GRB2: variants seen among roughly 807,000 people sequenced by gnomAD.
GRB2 encodes growth factor receptor bound protein 2.
Under a neutral mutation model 27.4 loss-of-function variants are expected in GRB2, and 2 were observed. That is an observed-to-expected ratio of 0.07 (90% CI 0.03 to 0.23). The LOEUF is 0.23. GRB2 is among the 10% of genes least tolerant of loss of function. The pLI, the probability that GRB2 is intolerant of heterozygous loss-of-function variation, is 1.00. For missense variants in GRB2, 102 were observed against 282.4 expected, an observed-to-expected ratio of 0.36 and a Z score of 4.58; for synonymous variants, 94 against 99.6, an observed-to-expected ratio of 0.94 and a Z score of 0.33.
chr17:75,346,373 G>C (rs1397969993), intron 2 of GRB2, among the ~76,000 whole-genome samples: 3 of 151,784 alleles, frequency 2.0e-5, no homozygotes, highest in Non-Finnish European at 4.4e-5. Flanking sequence ...GCGGGCGCCT[G>C]TAGTCCCAGC....
rs181088405 is a variant in GRB2, at chr17:75,363,590, T to C, written c.78+29961A>G. 4.2e-3 allele frequency among the ~76,000 whole-genome samples: 646 copies of C among 152,228 alleles called. 5 individuals are homozygous for C. The highest frequency in any genetic ancestry group is 0.015 in the African/African-American group (608 of 41,528). Reference sequence around the variant, plus strand: ...GAGCAAACTAGCGGGCCGGGCATGGTGGCTCACGCCTGTAATCCCAGCACT... The same window carrying C: ...GAGCAAACTAGCGGGCCGGGCATGGCGGCTCACGCCTGTAATCCCAGCACT... On this transcript the variant is annotated intron_variant, in intron 2 of 5. Transcript: ENST00000316804.
chr17:75,347,955 T>C (rs1056247956), intron 2 of GRB2, among the ~76,000 whole-genome samples: 6 of 152,214 alleles, frequency 3.9e-5, no homozygotes, highest in African/African-American at 7.2e-5. Context: ...AAAGTGACAT[T>C]TGTTATGGGG....
chr17:75,321,852 G>C (rs1386731576), intron 4 of GRB2, 25 bp from the exon 5 acceptor site: 5 of 1,610,510 alleles, frequency 3.1e-6, no homozygotes, highest in Non-Finnish European at 4.2e-6. Flanking sequence ...AAGCACATGT[G>C]ACCGGCTAAA....
intron 2 of GRB2, among the ~76,000 whole-genome samples, chr17:75,381,736 A>AAAG (rs2078930168): frequency 2.8e-5 from 3 of 106,514 alleles, no homozygotes; most frequent in Non-Finnish European, 3.6e-5. Flanking sequence ...AAAAAAAAAG[A>AAAG]AAAAAAAAAA....
intron 2 of GRB2, among the ~76,000 whole-genome samples, chr17:75,377,088 G>A (rs2078898726): frequency 6.6e-6 from 1 of 151,022 alleles, no homozygotes; most frequent in Admixed American, 6.6e-5. Context: ...AGGCTGAGAT[G>A]GGAGGATCAC....
intron 2 of GRB2, among the ~76,000 whole-genome samples, chr17:75,358,115 C>G (rs1436507352): frequency 6.6e-6 from 1 of 152,036 alleles, no homozygotes; most frequent in East Asian, 1.9e-4. Flanking sequence ...ATGGTCTTTG[C>G]TATGTTAGTC....
chr17:75,356,709 C>T (rs559234820), intron 2 of GRB2, among the ~76,000 whole-genome samples: 1 of 152,282 alleles, frequency 6.6e-6, no homozygotes, highest in South Asian at 2.1e-4. Context: ...GCTCCTGTTG[C>T]TGAATCCAAA....
chr17:75,372,918 A>T, intron 2 of GRB2: 1 of 152,210 alleles, frequency 6.6e-6, no homozygotes, highest in East Asian at 1.9e-4. Flanking sequence ...ATAATTTGTC[A>T]CTACAAAGGA....
In GRB2 at chr17:75,374,870, A is replaced by T. The variant is rs138513136; in HGVS notation, c.78+18681T>A. On this transcript the variant is annotated intron_variant, in intron 2 of 5. Transcript: ENST00000316804. ...ATATGGCATATACTCTCTGCACGGCATTCAGATTCATGCATTTAAATAATT... is the reference window on the plus strand; with the variant it reads ...ATATGGCATATACTCTCTGCACGGCTTTCAGATTCATGCATTTAAATAATT... Among the ~76,000 whole-genome samples the T allele has an allele frequency of 6.6e-5, 10 of 152,270 alleles. No individual in the cohort carries two copies. The East Asian group carries it at 1.9e-3, about 29-fold the overall frequency.
At chr17:75,345,694 T>TACCCCCACCCCC (rs531480418) in intron 2 of GRB2, among the ~76,000 whole-genome samples, 1 of 151,868 alleles carries the variant, frequency 6.6e-6, no homozygotes, top group East Asian at 1.9e-4. Context: ...GGCAAGTCCC[T>TACCCCCACCCCC]ACCCCCACCC....
chr17:75,398,784 A>G (rs1365097540), intron 1 of GRB2, among the ~76,000 whole-genome samples: 2 of 151,492 alleles, frequency 1.3e-5, no homozygotes, highest in African/African-American at 4.9e-5. Flanking sequence ...GTCTTGCTCT[A>G]TCCCTCAGGC....
chr17:75,363,468 G>A (rs1227862340), intron 2 of GRB2, among the ~76,000 whole-genome samples: 4 of 152,134 alleles, frequency 2.6e-5, no homozygotes, highest in Admixed American at 2.0e-4. Flanking sequence ...GAAACCAAAA[G>A]TACAACAAAT....
intron 5 of GRB2, 81 bp downstream of exon 5, chr17:75,321,578 G>A (rs1329273148): frequency 1.7e-5 from 22 of 1,322,604 alleles, no homozygotes; most frequent in Admixed American, 7.2e-5. Context: ...GTTGAGGGGC[G>A]CCTCCCCTTT....
rs2078453171 is a variant in GRB2, at chr17:75,320,763, G to T, written c.469-210C>A. 6.6e-6 allele frequency among the ~76,000 whole-genome samples: 1 copy of T among 152,096 alleles called. No individual in the cohort carries two copies. The highest frequency in any genetic ancestry group is 6.6e-5 in the Admixed American group (1 of 15,260). On this transcript the variant is annotated intron_variant, in intron 5 of 5. Coordinates refer to ENST00000316804, the MANE Select transcript of GRB2 (RefSeq NM_002086.5). The surrounding 1 kb of genome is among the most constrained non-coding windows in gnomAD (Gnocchi z 4.3). ...TTAGTGTGATATTTCCCAGTGCTCA[G>T]AAAATATTAGAGTATGTCTCCCAGA...
intron 2 of GRB2, among the ~76,000 whole-genome samples, chr17:75,341,464 A>AC (rs1254813743): frequency 6.6e-6 from 1 of 151,076 alleles, no homozygotes; most frequent in African/African-American, 2.4e-5. Context: ...AAAAAAAAAA[A>AC]AAAAACACAA....
At chr17:75,361,097 T>C (rs2078778848) in intron 2 of GRB2, among the ~76,000 whole-genome samples, 1 of 152,126 alleles carries the variant, frequency 6.6e-6, no homozygotes, top group African/African-American at 2.4e-5. Flanking sequence ...AAAGGTACAA[T>C]ATATTGTGTA....
chr17:75,321,490 CT>C (rs918931030), intron 5 of GRB2, among the ~76,000 whole-genome samples, 168 bp downstream of exon 5: 1 of 152,082 alleles, frequency 6.6e-6, no homozygotes, highest in African/African-American at 2.4e-5. Flanking sequence ...AAAAAGAACT[CT>C]TTAGTGTGAA....
chr17:75,368,119 T>C lies in GRB2; in HGVS notation c.78+25432A>G, dbSNP rs150978352. Among the ~76,000 whole-genome samples, 8 of 152,218 alleles carry C rather than the reference T, an allele frequency of 5.3e-5. No homozygotes were observed. In the East Asian group the frequency reaches 1.4e-3, roughly 26 times the overall value. ...TTGTAGAGACGGAGTTTTGCCATGT[T>C]GGCCAGGCTGGTCTCGAACCCCTGA... is the stretch of plus-strand genomic sequence containing the variant. On this transcript the variant is annotated intron_variant, in intron 2 of 5. Coordinates refer to ENST00000316804, the MANE Select transcript of GRB2 (RefSeq NM_002086.5).
At chr17:75,355,737 A>G (rs970279158) in intron 2 of GRB2, among the ~76,000 whole-genome samples, 1 of 151,720 alleles carries the variant, frequency 6.6e-6, no homozygotes, top group African/African-American at 2.4e-5. Flanking sequence ...AGTTTGACCT[A>G]AGTTATTTGC....
Sources: allele counts gnomAD v4.1 joint callset (sites outside exome capture counted in the v4.1 genomes callset), GRCh38; gene constraint gnomAD v4.1.1; non-coding constraint Gnocchi (gnomAD v3.1); transcripts MANE v1.5; gene names NCBI Gene and HGNC (gene_info 2026-07-23, HGNC 2026-07-21).